ITFG2: variants seen among roughly 807,000 people sequenced by gnomAD.
ITFG2 encodes integrin alpha FG-GAP repeat containing 2.
ITFG2 carries 36 observed loss-of-function variants against 54.4 expected under a neutral mutation model. The observed-to-expected ratio is 0.66, with a 90% CI of 0.51 to 0.87. The LOEUF is 0.87. Ranked by LOEUF, ITFG2 falls within the 40% of genes least tolerant of loss-of-function variation. The pLI is 0.00. For synonymous variants in ITFG2, 211 were observed against 225.4 expected (o/e 0.94, Z 0.57); for missense variants, 524 against 576.7 (o/e 0.91, Z 0.94).
chr12:2,821,614 G>A lies in ITFG2; in HGVS notation c.847+18G>A, dbSNP rs372965638. The A allele has an allele frequency of 6.2e-7, 1 of 1,614,118 alleles. No individual in the cohort carries two copies. ...CCTGGATGGTGAGCAATGCTAGGAT[G>A]GGGTGTGGGGGCTGTATGCCTGTAG... On this transcript the variant is annotated intron_variant, in intron 8 of 11. Transcript: ENST00000228799.
At chr12:2,834,894 GCTT>G, upstream of ITFG2, 1 of 1,613,878 alleles carries the variant, frequency 6.2e-7, no homozygotes, top group Non-Finnish European at 8.5e-7. Context: ...AGTCCTCTCT[GCTT>G]CTTCCTGCCT....
At chr12:2,834,875 G>T (rs749967053), upstream of ITFG2, 1 of 1,613,772 alleles carries the variant, frequency 6.2e-7, no homozygotes, top group Non-Finnish European at 8.5e-7. Flanking sequence ...CTCGGTGGGG[G>T]CGTCACCGAG....
At chr12:2,840,013 C>G (rs951818223) in intron 1 of ITFG2, among the ~76,000 whole-genome samples, 3 of 151,652 alleles carry the variant, frequency 2.0e-5, no homozygotes, top group Non-Finnish European at 4.4e-5. Context: ...TGTGGTCACT[C>G]TCTGAGTGAC....
chr12:2,818,292 C>G lies in ITFG2; in HGVS notation c.406+15C>G, dbSNP rs1207258893. The G allele has an allele frequency of 1.2e-6, 2 of 1,610,514 alleles. No homozygotes were observed. The highest frequency in any genetic ancestry group is 1.3e-5 in the African/African-American group (1 of 74,888). Reference sequence around the variant, plus strand: ...CAGCGACATCGGTGGGCATGCCTACCTTTGCAGGCAGCCAGGAGAGTAGGA... The same window carrying G: ...CAGCGACATCGGTGGGCATGCCTACGTTTGCAGGCAGCCAGGAGAGTAGGA... On this transcript the variant is annotated intron_variant, in intron 4 of 11. Coordinates refer to ENST00000228799, the MANE Select transcript of ITFG2 (RefSeq NM_018463.4).
intron 2 of ITFG2, chr12:2,848,999 C>T: frequency 1.9e-6 from 1 of 533,288 alleles, no homozygotes; most frequent in East Asian, 3.4e-5. Context: ...CGCAGTCCTC[C>T]CACCTTCGAT....
rs150266212 is a variant in ITFG2, at chr12:2,821,309, G to A, written c.743G>A (p.Arg248His). ...GTGGTGCTGCACCAGACATCTGGCC[G>A]TATCCACAACAAGAATGTCTCCACT... ...RDVVLHQTSG[R>H]IHNKNVSTHL... The change falls in exon 7 of 12, where the codon CGT becomes CAT. Residue 248 changes from arginine to histidine, a missense_variant. Arg to His is a conservative substitution (Grantham distance 29). Transcript: ENST00000228799. The A allele has an allele frequency of 1.9e-5, 30 of 1,609,928 alleles. No homozygotes were observed. The highest frequency in any genetic ancestry group is 1.6e-4 in the Middle Eastern group (1 of 6,068).
At position 2,851,974 on chromosome 12, in the gene ITFG2, C is replaced by T. The variant is rs1032174268; in HGVS notation, n.301-6038C>T. On this transcript the variant is annotated intron_variant and non_coding_transcript_variant, in intron 2 of 3. Transcript: ENST00000537710. ...GATTACAGGCGTGAGCCACCATTCC[C>T]GGTCCACTAAATTTATTTTTAAAAT... 1.1e-4 allele frequency among the ~76,000 whole-genome samples: 16 copies of T among 152,220 alleles called. No individual in the cohort carries two copies. The South Asian group carries it at 1.2e-3, about 12-fold the overall frequency.
At position 2,817,261 on chromosome 12, in the gene ITFG2, G is replaced by A; in HGVS notation, c.135G>A (p.Val45=). The change falls in exon 2 of 12, where the codon GTG becomes GTA. Residue 45 remains valine, a synonymous_variant. Transcript: ENST00000228799. ...ELVVGDTSGK[V]SVYKNDDSRP... ...TGGTGGGAGACACCAGCGGGAAGGT[G>A]TCTGTGTATAAAAATGATGACAGTC... is the stretch of plus-strand genomic sequence containing the variant. 6.2e-7 allele frequency: 1 copy of A among 1,614,054 alleles called. No homozygotes were observed. Among genetic ancestry groups the A allele is most frequent in the Non-Finnish European group, 8.5e-7 (1 of 1,179,966 alleles).
chr12:2,829,636 G>A (rs1021490190), downstream of ITFG2, among the ~76,000 whole-genome samples: 6 of 151,856 alleles, frequency 4.0e-5, no homozygotes, highest in Non-Finnish European at 5.9e-5. Flanking sequence ...CTGTGGTGGC[G>A]CACACTTGTA....
intron 2 of ITFG2, chr12:2,855,570 C>G (rs976491108): frequency 3.3e-5 from 23 of 696,314 alleles, no homozygotes; most frequent in African/African-American, 2.5e-4. Flanking sequence ...CATGAGGACG[C>G]AGAAGTCCTG....
chr12:2,815,076 C>T (rs183134190), intron 1 of ITFG2, among the ~76,000 whole-genome samples: 13 of 151,844 alleles, frequency 8.6e-5, no homozygotes, highest in African/African-American at 1.9e-4. Flanking sequence ...CAGGTTCAAG[C>T]GAACCTTGGC....
chr12:2,854,756 T>A (rs1310169952), intron 2 of ITFG2: 2 of 882,888 alleles, frequency 2.3e-6, no homozygotes, highest in African/African-American at 3.4e-5. Context: ...TCCTTCCAGC[T>A]ACACTCAGAA....
chr12:2,859,475 T>C (rs747732973), intron 3 of ITFG2: 1 of 1,613,976 alleles, frequency 6.2e-7, no homozygotes, highest in South Asian at 1.1e-5. Context: ...AGGGCCACTC[T>C]TCCAAGGGAG....
downstream of ITFG2, chr12:2,827,156 C>T (rs757315613): frequency 2.0e-5 from 32 of 1,612,728 alleles, no homozygotes; most frequent in Non-Finnish European, 2.7e-5. The surrounding 1 kb of genome is among the most constrained non-coding windows in gnomAD (Gnocchi z 4.0). Flanking sequence ...CCCCACACGC[C>T]TCTTCTTCTA....
At chr12:2,837,422 G>T (rs1413888038) in intron 1 of ITFG2, among the ~76,000 whole-genome samples, 4 of 152,012 alleles carry the variant, frequency 2.6e-5, no homozygotes, top group African/African-American at 9.7e-5. Context: ...AGCTTGCAGT[G>T]AGCCGAGATC....
chr12:2,821,405 C>A, intron 7 of ITFG2, 46 bp downstream of exon 7: 1 of 1,567,984 alleles, frequency 6.4e-7, no homozygotes, highest in Non-Finnish European at 8.7e-7. Flanking sequence ...GGGTAGCCGT[C>A]AGTTCTGGAG....
At position 2,821,403 on chromosome 12, in the gene ITFG2, G is replaced by A. The variant is rs142096389; in HGVS notation, c.793+44G>A. 236 of 1,565,694 alleles carry A rather than the reference G, an allele frequency of 1.5e-4. 2 individuals carry two copies. The East Asian group carries it at 2.3e-3, about 16-fold the overall frequency. On this transcript the variant is annotated intron_variant, in intron 7 of 11. Coordinates refer to ENST00000228799, the MANE Select transcript of ITFG2 (RefSeq NM_018463.4). ...TGAGGGAGGGAGATGAGGGGTAGCC[G>A]TCAGTTCTGGAGGAGTGGAGATCCA...
At chr12:2,814,451 TTGTAAGCTCCATTAC>T (rs1463033660) in intron 1 of ITFG2, among the ~76,000 whole-genome samples, 1 of 152,100 alleles carries the variant, frequency 6.6e-6, no homozygotes, top group Non-Finnish European at 1.5e-5. Flanking sequence ...TTCACCTGAG[TTGTAAGCTCCATTAC>T]TATAAGCTCC....
intron 7 of ITFG2, 33 bp downstream of exon 7, chr12:2,821,392 G>A (rs775267258): frequency 3.8e-6 from 6 of 1,581,990 alleles, no homozygotes; most frequent in Middle Eastern, 1.8e-4. Flanking sequence ...GGAGGGAGAT[G>A]AGGGGTAGCC....
Sources: allele counts gnomAD v4.1 joint callset (sites outside exome capture counted in the v4.1 genomes callset), GRCh38; gene constraint gnomAD v4.1.1; non-coding constraint Gnocchi (gnomAD v3.1); transcripts MANE v1.5; gene names NCBI Gene and HGNC (gene_info 2026-07-23, HGNC 2026-07-21).